PVT1: variants seen among roughly 807,000 people sequenced by gnomAD.
PVT1 encodes Pvt1 oncogene.
At chr8:127,985,436 CTTT>C (rs549166946) in intron 3 of PVT1, among the ~76,000 whole-genome samples, 3 of 142,084 alleles carry the variant, frequency 2.1e-5, no homozygotes, top group Admixed American at 7.1e-5. Flanking sequence ...TGAGTAGCTG[CTTT>C]TTTTTTTTTT....
chr8:127,896,898 A>G (rs1248269444), intron 3 of PVT1, among the ~76,000 whole-genome samples: 1 of 151,282 alleles, frequency 6.6e-6, no homozygotes, highest in South Asian at 2.1e-4. Flanking sequence ...AATGCTAGCT[A>G]TCTAGTGTTT....
rs78323862 is a variant in PVT1 at position 128,025,133 on chromosome 8, T to C, written n.912+35842T>C. The stretch of plus-strand genomic sequence containing the variant: ...GTGGGAGCGGTGCCAGGGAGCTGTT[T>C]GGGCTGGCGCAGGCCAGGCAGGAGC... On this transcript the variant is annotated intron_variant and non_coding_transcript_variant, in intron 4 of 10. Transcript: ENST00000651587. Among the ~76,000 whole-genome samples the C allele has an allele frequency of 4.7e-4, 71 of 152,326 alleles. 1 individual carries two copies. In the South Asian group the frequency reaches 0.015, roughly 32 times the overall value.
chr8:128,016,857 G>A (rs1344142824), intron 4 of PVT1, among the ~76,000 whole-genome samples: 1 of 152,210 alleles, frequency 6.6e-6, no homozygotes, highest in Admixed American at 6.5e-5. Flanking sequence ...GTCTGGATGA[G>A]GATGAGTTCC....
At position 128,071,188 on chromosome 8, in the gene PVT1, G is replaced by A. The variant is rs76124124; in HGVS notation, n.1114+827G>A. On this transcript the variant is annotated intron_variant and non_coding_transcript_variant, in intron 5 of 10. Transcript: ENST00000651587. ...GCTGAGGTTCCCATGCAGGTTCTGC[G>A]TGACAGAAATCAATAGAAAGATTCG... Among the ~76,000 whole-genome samples, 1,323 of 152,262 alleles carry A rather than the reference G, an allele frequency of 8.7e-3. 19 individuals are homozygous for A. Among genetic ancestry groups the A allele is most frequent in the African/African-American group, 0.028 (1,157 of 41,542 alleles).
chr8:128,043,156 ATGT>A (rs1319802578), intron 4 of PVT1, among the ~76,000 whole-genome samples: 1 of 152,158 alleles, frequency 6.6e-6, no homozygotes, highest in Non-Finnish European at 1.5e-5. Flanking sequence ...CATCCACTTA[ATGT>A]TGTATTGTGG....
intron 4 of PVT1, among the ~76,000 whole-genome samples, chr8:128,045,332 A>G (rs566506001): frequency 3.2e-4 from 49 of 152,182 alleles, no homozygotes; most frequent in Non-Finnish European, 6.8e-4. Context: ...TAAACTTTTT[A>G]TGTTCCATTG....
At chr8:127,944,300 A>G (rs1563646303) in intron 3 of PVT1, among the ~76,000 whole-genome samples, 1 of 152,176 alleles carries the variant, frequency 6.6e-6, no homozygotes, top group Non-Finnish European at 1.5e-5. Flanking sequence ...AATGTAAGTC[A>G]TGAAGATCTA....
chr8:128,057,614 G>A lies in PVT1; in HGVS notation n.913-12546G>A, dbSNP rs563081736. Among the ~76,000 whole-genome samples the A allele has an allele frequency of 1.4e-4, 22 of 152,314 alleles. No individual in the cohort carries two copies. The South Asian group carries it at 4.6e-3, about 32-fold the overall frequency. ...TGAGGTGTCCGTCCCTCCAAGGCAC[G>A]GTGACCTAGAATCCCACTGCTCACT... On this transcript the variant is annotated intron_variant and non_coding_transcript_variant, in intron 4 of 10. Transcript: ENST00000651587.
chr8:127,957,961 G>C (rs1338774830), intron 3 of PVT1, among the ~76,000 whole-genome samples: 1 of 152,226 alleles, frequency 6.6e-6, no homozygotes, highest in African/African-American at 2.4e-5. Context: ...CTTGGCCATG[G>C]TTTCTAATTC....
intron 2 of PVT1, among the ~76,000 whole-genome samples, chr8:127,839,556 A>C (rs1164591549): frequency 3.3e-5 from 5 of 150,656 alleles, no homozygotes; most frequent in Admixed American, 6.6e-5. Context: ...TCTCAAAAAT[A>C]AAAAATAAAA....
rs753688420 is a variant in PVT1, at chr8:127,898,800, G to C, written n.782+7802G>C. On this transcript the variant is annotated intron_variant and non_coding_transcript_variant, in intron 3 of 10. Transcript: ENST00000651587. This position sits in a 1 kb window ranked among gnomAD's most constrained non-coding sequence, Gnocchi z 4.4. ...AATAGTGGCCACACGCTGATAGCTG[G>C]ATTTCCAGTGCAGTTGCTGGGGATG... Among the ~76,000 whole-genome samples the C allele has an allele frequency of 6.6e-6, 1 of 152,196 alleles. No individual in the cohort carries two copies. The highest frequency in any genetic ancestry group is 1.9e-4 in the East Asian group (1 of 5,194).
chr8:127,797,906 C>G (rs1306799053), intron 2 of PVT1, among the ~76,000 whole-genome samples: 2 of 152,162 alleles, frequency 1.3e-5, no homozygotes, highest in Admixed American at 6.5e-5. Context: ...TAAAAATATC[C>G]TCCCAGGTCA....
chr8:127,832,789 C>A lies in PVT1; in HGVS notation n.372+36718C>A, dbSNP rs567674785. 1.8e-4 allele frequency among the ~76,000 whole-genome samples: 27 copies of A among 151,928 alleles called. 1 individual carries two copies. In the South Asian group the frequency reaches 5.6e-3, roughly 32 times the overall value. On this transcript the variant is annotated intron_variant and non_coding_transcript_variant, in intron 2 of 10. Transcript: ENST00000651587. ...AGGAGAATGGTGTGAACCCGGGAGG[C>A]GGAGCTTGCAGTGAGCTGAGATCGC...
At chr8:127,921,448 G>A (rs1816055940) in intron 3 of PVT1, among the ~76,000 whole-genome samples, 2 of 152,188 alleles carry the variant, frequency 1.3e-5, no homozygotes. Context: ...GAGAAAACGT[G>A]TGCTAAGGAA....
intron 4 of PVT1, among the ~76,000 whole-genome samples, chr8:128,020,334 T>C (rs1817418584): frequency 6.6e-6 from 1 of 152,200 alleles, no homozygotes; most frequent in South Asian, 2.1e-4. Flanking sequence ...TCCTTGGTTA[T>C]CCAGGTGGAT....
chr8:127,818,098 AT>A (rs1208900792), intron 2 of PVT1, among the ~76,000 whole-genome samples: 1 of 152,100 alleles, frequency 6.6e-6, no homozygotes. Flanking sequence ...GCCAGGCAGG[AT>A]CATAGTCCGG....
intron 3 of PVT1, among the ~76,000 whole-genome samples, chr8:127,969,269 C>A (rs1563653088): frequency 6.6e-6 from 1 of 152,110 alleles, no homozygotes; most frequent in Admixed American, 6.5e-5. Flanking sequence ...ATCTGGTAAT[C>A]CAAGCCTCCA....
At chr8:127,930,907 GT>G (rs993013944) in intron 3 of PVT1, among the ~76,000 whole-genome samples, 41 of 152,220 alleles carry the variant, frequency 2.7e-4, no homozygotes, top group African/African-American at 9.9e-4. Context: ...TATTGATGGG[GT>G]TTTTGTTGTT....
intron 2 of PVT1, among the ~76,000 whole-genome samples, chr8:127,825,312 G>C (rs1814775505): frequency 1.3e-5 from 2 of 152,018 alleles, no homozygotes; most frequent in South Asian, 4.1e-4. Context: ...TTGTTCAGTT[G>C]TTTCCCCATT....
Sources: gnomAD v4.1 joint callset for allele counts (sites outside exome capture counted in the v4.1 genomes callset) on GRCh38, gnomAD v4.1.1 for gene constraint, Gnocchi (gnomAD v3.1) non-coding constraint, MANE v1.5 for transcripts, NCBI Gene and HGNC (gene_info 2026-07-23, HGNC 2026-07-21) for gene names.